Variants in FNDC3A observed in about 807,000 individuals in gnomAD.
The protein encoded by FNDC3A is fibronectin type III domain containing 3A.
A neutral mutation model predicts 148.9 loss-of-function variants in FNDC3A; 32 were observed. The ratio of observed to expected loss-of-function variants is 0.21; its 90% CI spans 0.16 to 0.29. FNDC3A has a LOEUF of 0.29. Ranked by LOEUF, FNDC3A falls within the 10% of genes least tolerant of loss-of-function variation. The pLI is 1.00. For synonymous variants in FNDC3A, 472 were observed against 473.6 expected, an observed-to-expected ratio of 1.00 and a Z score of 0.04; for missense variants, 1,191 against 1,452.8, an observed-to-expected ratio of 0.82 and a Z score of 2.93.
chr13:49,071,632 T>G (rs545467773), intron 2 of FNDC3A, among the ~76,000 whole-genome samples: 2 of 152,210 alleles, frequency 1.3e-5, no homozygotes, highest in Non-Finnish European at 2.9e-5. Context: ...TGATTAGTAA[T>G]GTTGAGCATT....
At chr13:49,076,525 G>T (rs1217994086) in intron 3 of FNDC3A, among the ~76,000 whole-genome samples, 1 of 151,618 alleles carries the variant, frequency 6.6e-6, no homozygotes, top group Admixed American at 6.6e-5. Context: ...GATTACAGAC[G>T]TGAGCCTCTG....
At chr13:49,044,822 TTG>T in intron 2 of FNDC3A, 1 of 399,110 alleles carries the variant, frequency 2.5e-6, no homozygotes, top group Non-Finnish European at 5.0e-6. Flanking sequence ...TCAATACTTT[TTG>T]TGTGTTAGAA....
chr13:48,999,984 G>T (rs1442151518), intron 1 of FNDC3A, among the ~76,000 whole-genome samples: 1 of 152,062 alleles, frequency 6.6e-6, no homozygotes, highest in East Asian at 1.9e-4. Flanking sequence ...TTTTAAAATA[G>T]CAGACCAAGC....
intron 13 of FNDC3A, 59 bp from the exon 14 acceptor site, chr13:49,178,509 T>G: frequency 9.7e-7 from 1 of 1,028,920 alleles, no homozygotes; most frequent in Non-Finnish European, 1.5e-6. Flanking sequence ...ACATATTCAT[T>G]ATTGCCCATA....
At chr13:49,201,518 C>T (rs1056446169) in intron 23 of FNDC3A, among the ~76,000 whole-genome samples, 16 of 152,002 alleles carry the variant, frequency 1.1e-4, no homozygotes, top group African/African-American at 3.6e-4. Flanking sequence ...AAAGCTAAAC[C>T]GGAAGCCTGA....
At chr13:49,061,186 T>G (rs943735849) in intron 2 of FNDC3A, among the ~76,000 whole-genome samples, 4 of 151,818 alleles carry the variant, frequency 2.6e-5, no homozygotes, top group Admixed American at 2.6e-4. Context: ...CATAACTCAC[T>G]GCAGCCTCAA....
intron 3 of FNDC3A, among the ~76,000 whole-genome samples, chr13:49,091,077 T>C (rs538227978): frequency 6.6e-6 from 1 of 152,146 alleles, no homozygotes; most frequent in East Asian, 1.9e-4. Context: ...TAAATGTACA[T>C]CTCAGGCTGA....
chr13:49,135,057 A>G (rs1041264979), intron 5 of FNDC3A, among the ~76,000 whole-genome samples: 3 of 151,526 alleles, frequency 2.0e-5, no homozygotes, highest in South Asian at 2.1e-4. Context: ...GGATTTCACC[A>G]TCTTGGCCAG....
At chr13:49,084,970 TG>T (rs935647399) in intron 3 of FNDC3A, among the ~76,000 whole-genome samples, 3 of 152,192 alleles carry the variant, frequency 2.0e-5, no homozygotes, top group Admixed American at 2.0e-4. Flanking sequence ...TCTTTTTCGT[TG>T]CTGCTGCTGT....
rs141093889 is a variant in FNDC3A, at chr13:49,209,369, A to G, written c.*1974A>G. On this transcript the variant is annotated 3_prime_UTR_variant, in exon 26 of 26. Coordinates refer to ENST00000492622, the MANE Select transcript of FNDC3A (RefSeq NM_001079673.2). Reference sequence around the variant, plus strand: ...TCACTGCAAAATTAGTGCAGAGGAGAAAACAATTTTTAATGTAATCTTGAT... The same window carrying G: ...TCACTGCAAAATTAGTGCAGAGGAGGAAACAATTTTTAATGTAATCTTGAT... 117 of 152,770 alleles carry G rather than the reference A, an allele frequency of 7.7e-4. No homozygotes were observed. The highest frequency in any genetic ancestry group is 2.7e-3 in the African/African-American group (112 of 41,574). 9.5% of individuals were successfully genotyped at this position (152,770 alleles called of 1,614,324 possible).
rs920788669 is a variant in FNDC3A at position 49,196,901 on chromosome 13, G to T, written c.2251G>T (p.Asp751Tyr). 6.2e-7 allele frequency: 1 copy of T among 1,604,668 alleles called. No homozygotes were observed. Among genetic ancestry groups the T allele is most frequent in the Admixed American group, 1.7e-5 (1 of 57,438 alleles). The change falls in exon 20 of 26, where the codon GAT becomes TAT. Residue 751 changes from aspartate to tyrosine, a missense_variant. Physicochemically the swap from Asp to Tyr is radical, Grantham distance 160 (BLOSUM62 -3). Coordinates refer to ENST00000492622, the MANE Select transcript of FNDC3A (RefSeq NM_001079673.2). Reference protein sequence around the residue: ...MGFGPFSEKCDITTAPGPPDQ... With the variant: ...MGFGPFSEKCYITTAPGPPDQ... ...GTTTGGACCATTTTCAGAAAAATGT[G>T]ATATTACTACAGCCCCTGGGCCACC... is the stretch of plus-strand genomic sequence containing the variant.
At chr13:49,144,182 G>C (rs962985226) in intron 7 of FNDC3A, among the ~76,000 whole-genome samples, 1 of 151,740 alleles carries the variant, frequency 6.6e-6, no homozygotes, top group African/African-American at 2.4e-5. Flanking sequence ...ATGTATAGTA[G>C]CAGTTTGTTT....
chr13:49,206,339 TTA>T (rs1886642853), intron 25 of FNDC3A, among the ~76,000 whole-genome samples: 3 of 151,440 alleles, frequency 2.0e-5, no homozygotes, highest in South Asian at 2.1e-4. Context: ...ATATAGCTTC[TTA>T]TTTATGCCTA....
chr13:49,109,263 A>G (rs955393627), intron 3 of FNDC3A, among the ~76,000 whole-genome samples: 1 of 152,218 alleles, frequency 6.6e-6, no homozygotes, highest in Non-Finnish European at 1.5e-5. Context: ...TCATCAACCA[A>G]TATACTTGAT....
At chr13:49,097,871 T>C (rs912355728) in intron 3 of FNDC3A, among the ~76,000 whole-genome samples, 2 of 152,092 alleles carry the variant, frequency 1.3e-5, no homozygotes, top group African/African-American at 2.4e-5. Flanking sequence ...GAAGTGACTA[T>C]TGGGAAGAAG....
In FNDC3A at chr13:48,986,385, GTTTTTTTTT is replaced by G. The variant is rs869031197; in HGVS notation, c.-40+10228_-40+10236del. Among the ~76,000 whole-genome samples the G allele has an allele frequency of 3.8e-3, 206 of 54,410 alleles. 1 individual carries two copies. The highest frequency in any genetic ancestry group is 0.015 in the South Asian group (18 of 1,216). The allele number at this position is 54,410 out of a possible 152,430, so 35.7% of individuals were successfully genotyped here. ...AAGACAGAGTAAGGAGAAGGAAGTT[GTTTTTTTTT>G]TTTTTTTTTTTTTTTTTTTGAGGCG... On this transcript the variant is annotated intron_variant, in intron 1 of 25. Transcript: ENST00000492622.
At position 48,993,473 on chromosome 13, in the gene FNDC3A, T is replaced by C. The variant is rs761344619; in HGVS notation, c.-39-12679T>C. 3.9e-5 allele frequency among the ~76,000 whole-genome samples: 6 copies of C among 152,214 alleles called. No individual in the cohort carries two copies. The East Asian group carries it at 5.8e-4, about 15-fold the overall frequency. On this transcript the variant is annotated intron_variant, in intron 1 of 25. Coordinates refer to ENST00000492622, the MANE Select transcript of FNDC3A (RefSeq NM_001079673.2). ...AGGACTTTAGATTCTTAGATACTTA[T>C]AGTAGTTTCATTTTTAAAAATCTCA...
At chr13:49,041,851 T>C (rs1223238676) in intron 2 of FNDC3A, among the ~76,000 whole-genome samples, 9 of 151,362 alleles carry the variant, frequency 5.9e-5, no homozygotes, top group Admixed American at 5.3e-4. Flanking sequence ...AGAAAACCTA[T>C]TATCAGCCAG....
At chr13:49,026,528 G>T (rs1873726216) in intron 2 of FNDC3A, among the ~76,000 whole-genome samples, 1 of 152,128 alleles carries the variant, frequency 6.6e-6, no homozygotes, top group Non-Finnish European at 1.5e-5. Flanking sequence ...TTTTAAGACA[G>T]GGTCCTGTTC....
Sources: gnomAD v4.1 joint callset for allele counts (sites outside exome capture counted in the v4.1 genomes callset) on GRCh38, gnomAD v4.1.1 for gene constraint, MANE v1.5 for transcripts, NCBI Gene and HGNC (gene_info 2026-07-23, HGNC 2026-07-21) for gene names.